Variants in FOXK1 observed in about 807,000 individuals in gnomAD.
The protein encoded by FOXK1 is forkhead box K1, also known as forkhead box protein K1.
FOXK1 carries 19 observed loss-of-function variants against 51.9 expected under a neutral mutation model. That is an observed-to-expected ratio of 0.37 (90% confidence interval 0.26 to 0.54). The LOEUF (loss-of-function observed/expected upper bound fraction) is 0.54. FOXK1 is among the 20% of genes least tolerant of loss of function. The pLI is 0.87. For synonymous variants in FOXK1, 537 were observed against 482.6 expected (o/e 1.11, Z -1.48); for missense variants, 870 against 1,032.7 (o/e 0.84, Z 2.16).
rs1780751464 is a variant in FOXK1, at chr7:4,749,799, C to T, written c.747-4660C>T. On this transcript the variant is annotated intron_variant, in intron 2 of 8. Coordinates refer to ENST00000328914, the MANE Select transcript of FOXK1 (RefSeq NM_001037165.2). The surrounding 1 kb of genome is among the most constrained non-coding windows in gnomAD (Gnocchi z 6.0). ...GAAGGCTTGTCTTAGGCTCTGGGGA[C>T]GGAGCCCAGCTGGCGGCTCCAGAGG... is the stretch of plus-strand genomic sequence containing the variant. Among the ~76,000 whole-genome samples the T allele has an allele frequency of 1.3e-5, 2 of 152,212 alleles. No homozygotes were observed. The highest frequency in any genetic ancestry group is 2.9e-5 in the Non-Finnish European group (2 of 68,034).
chr7:4,712,801 C>A (rs934396748), intron 1 of FOXK1, among the ~76,000 whole-genome samples: 1 of 152,176 alleles, frequency 6.6e-6, no homozygotes, highest in African/African-American at 2.4e-5. Flanking sequence ...ACTGCTCAAA[C>A]AGCCAGGGCA....
rs1780331077 is a variant in FOXK1 at position 4,722,763 on chromosome 7, G to A, written c.561-18075G>A. ...ACCGCCCAGCATGGCTTTTGGCTTT[G>A]GGGGATTCCGTTCCTTTGCTGCTGC... On this transcript the variant is annotated intron_variant, in intron 1 of 8. Transcript: ENST00000328914. This position sits in a 1 kb window ranked among gnomAD's most constrained non-coding sequence, Gnocchi z 5.1. 6.6e-6 allele frequency among the ~76,000 whole-genome samples: 1 copy of A among 152,182 alleles called. No homozygotes were observed. The highest frequency in any genetic ancestry group is 2.4e-5 in the African/African-American group (1 of 41,442).
At position 4,770,818 on chromosome 7, in the gene FOXK1, C is replaced by T. The variant is rs1781087748; in HGVS notation, c.*8354C>T. On this transcript the variant is annotated 3_prime_UTR_variant, in exon 9 of 9. Coordinates refer to ENST00000328914, the MANE Select transcript of FOXK1 (RefSeq NM_001037165.2). Reference sequence around the variant, plus strand: ...TTTGTTCTTGTTGTTTTAATCTGAACGATTATTCTCCTGTAAAAATAATTT... The same window carrying T: ...TTTGTTCTTGTTGTTTTAATCTGAATGATTATTCTCCTGTAAAAATAATTT... The T allele has an allele frequency of 6.8e-6, 1 of 146,840 alleles. No individual in the cohort carries two copies. The highest frequency in any genetic ancestry group is 1.5e-5 in the Non-Finnish European group (1 of 67,478). The allele number at this position is 146,840 out of a possible 1,614,324, so 9.1% of individuals were successfully genotyped here.
chr7:4,696,548 G>A (rs1218841835), intron 1 of FOXK1, among the ~76,000 whole-genome samples: 3 of 152,214 alleles, frequency 2.0e-5, no homozygotes, highest in African/African-American at 4.8e-5. Flanking sequence ...GTCATTAAGC[G>A]TTGGTGTGAA....
At chr7:4,688,811 C>T (rs1205375922) in intron 1 of FOXK1, among the ~76,000 whole-genome samples, 1 of 152,014 alleles carries the variant, frequency 6.6e-6, no homozygotes, top group African/African-American at 2.4e-5. Flanking sequence ...GTTACTAGAC[C>T]CGGGGATTCC....
At chr7:4,706,883 C>T (rs766745774) in intron 1 of FOXK1, among the ~76,000 whole-genome samples, 113 of 152,302 alleles carry the variant, frequency 7.4e-4, no homozygotes, top group Middle Eastern at 3.4e-3. Flanking sequence ...CTGGGTCGGC[C>T]TGTGCCTTCT....
rs368115110 is a variant in FOXK1 at position 4,742,389 on chromosome 7, T to G, written c.746+1366T>G. Reference sequence around the variant, plus strand: ...ACCTTGGCTTGCTTTTTTCTTTTTTTCCTCTTGCAGCTGTAGGAGAAGAAA... The same window carrying G: ...ACCTTGGCTTGCTTTTTTCTTTTTTGCCTCTTGCAGCTGTAGGAGAAGAAA... On this transcript the variant is annotated intron_variant, in intron 2 of 8. Transcript: ENST00000328914. 3.3e-5 allele frequency among the ~76,000 whole-genome samples: 5 copies of G among 152,268 alleles called. No individual in the cohort carries two copies. In the East Asian group the frequency reaches 9.6e-4, roughly 29 times the overall value.
Position 4,762,724 on chromosome 7 carries a change from A to G in FOXK1, c.*260A>G, listed in dbSNP as rs936456763. ...TGCTTTCCTTTCCTTCTCCCTCGGC[A>G]CCACCTCCTCTCCCCAGGCCTCCCT... On this transcript the variant is annotated 3_prime_UTR_variant, in exon 9 of 9. Coordinates refer to ENST00000328914, the MANE Select transcript of FOXK1 (RefSeq NM_001037165.2). This position sits in a 1 kb window ranked among gnomAD's most constrained non-coding sequence, Gnocchi z 5.7. The G allele has an allele frequency of 6.2e-6, 3 of 480,920 alleles. No homozygotes were observed. The highest frequency in any genetic ancestry group is 1.1e-5 in the Non-Finnish European group (3 of 263,738). 29.8% of individuals were successfully genotyped at this position (480,920 alleles called of 1,614,324 possible).
In FOXK1 at chr7:4,769,274, T is replaced by C. The variant is rs1261936473; in HGVS notation, c.*6810T>C. The C allele has an allele frequency of 5.9e-5, 9 of 152,058 alleles. No individual in the cohort carries two copies. The highest frequency in any genetic ancestry group is 2.2e-4 in the African/African-American group (9 of 41,394). 9.4% of individuals were successfully genotyped at this position (152,058 alleles called of 1,614,324 possible). ...GGGCCAGGGAGAAGCCGTGAATGTA[T>C]TTATTTGCTTTGGTGAAGCTGCTGA... On this transcript the variant is annotated 3_prime_UTR_variant, in exon 9 of 9. Transcript: ENST00000328914. This position sits in a 1 kb window ranked among gnomAD's most constrained non-coding sequence, Gnocchi z 4.1.
At position 4,735,304 on chromosome 7, in the gene FOXK1, C is replaced by T. The variant is rs900130510; in HGVS notation, c.561-5534C>T. Among the ~76,000 whole-genome samples, 11 of 152,176 alleles carry T rather than the reference C, an allele frequency of 7.2e-5. No homozygotes were observed. Among genetic ancestry groups the T allele is most frequent in the African/African-American group, 2.7e-4 (11 of 41,452 alleles). On this transcript the variant is annotated intron_variant, in intron 1 of 8. Transcript: ENST00000328914. This position sits in a 1 kb window ranked among gnomAD's most constrained non-coding sequence, Gnocchi z 4.7. ...GGGAAAAACCCAGGGCTGGAGTAGA[C>T]CCTCAGTGTGGGAGCTTTTGGGCAA...
rs1030369477 is a variant in FOXK1, at chr7:4,734,196, G to A, written c.561-6642G>A. On this transcript the variant is annotated intron_variant, in intron 1 of 8. Coordinates refer to ENST00000328914, the MANE Select transcript of FOXK1 (RefSeq NM_001037165.2). The surrounding 1 kb of genome is among the most constrained non-coding windows in gnomAD (Gnocchi z 5.2). ...ATTCCCAGAGCTCCTGAGAAGGAGCGGCTTGTGTGGGGTGACTCTATCTCA... is the reference window on the plus strand; with the variant it reads ...ATTCCCAGAGCTCCTGAGAAGGAGCAGCTTGTGTGGGGTGACTCTATCTCA... 2.6e-5 allele frequency among the ~76,000 whole-genome samples: 4 copies of A among 152,216 alleles called. No homozygotes were observed. The highest frequency in any genetic ancestry group is 2.1e-4 in the South Asian group (1 of 4,834).
intron 1 of FOXK1, among the ~76,000 whole-genome samples, chr7:4,708,297 C>G (rs909865872): frequency 2.0e-5 from 3 of 152,140 alleles, no homozygotes; most frequent in South Asian, 2.1e-4. Context: ...TAAACATGAC[C>G]TAGTTGCCGC....
Position 4,755,073 on chromosome 7 carries a change from T to A in FOXK1, c.904-164T>A. The A allele has an allele frequency of 1.2e-6, 1 of 807,996 alleles. No homozygotes were observed. The highest frequency in any genetic ancestry group is 1.9e-6 in the Non-Finnish European group (1 of 534,964). The allele number at this position is 807,996 out of a possible 1,614,324, so 50.1% of individuals were successfully genotyped here. ...TGAGGCAAAAATGGTTGTTCCTAGT[T>A]GAATGCAAGCACATTAATGGGATAG... On this transcript the variant is annotated intron_variant, in intron 3 of 8. Transcript: ENST00000328914. This position sits in a 1 kb window ranked among gnomAD's most constrained non-coding sequence, Gnocchi z 6.6.
At position 4,711,465 on chromosome 7, in the gene FOXK1, G is replaced by GA. The variant is rs147484863; in HGVS notation, c.560+28598dup. Among the ~76,000 whole-genome samples the GA allele has an allele frequency of 0.014, 2,148 of 152,244 alleles. 25 individuals carry two copies. Among genetic ancestry groups the GA allele is most frequent in the Middle Eastern group, 0.041 (12 of 294 alleles). ...AGAGATCTGGAGTTAAGGAAGATGTGACTTTCTCAGTGGCCCTCAGACGTC... is the reference window on the plus strand; with the variant it reads ...AGAGATCTGGAGTTAAGGAAGATGTGAACTTTCTCAGTGGCCCTCAGACGTC... On this transcript the variant is annotated intron_variant, in intron 1 of 8. Coordinates refer to ENST00000328914, the MANE Select transcript of FOXK1 (RefSeq NM_001037165.2). This position sits in a 1 kb window ranked among gnomAD's most constrained non-coding sequence, Gnocchi z 6.3.
chr7:4,728,508 A>G (rs1165799940), intron 1 of FOXK1, among the ~76,000 whole-genome samples: 1 of 152,216 alleles, frequency 6.6e-6, no homozygotes, highest in Non-Finnish European at 1.5e-5. Flanking sequence ...ACTAAAGTGC[A>G]CGTGCTGTGT....
rs148839144 is a variant in FOXK1 at position 4,687,423 on chromosome 7, G to T, written c.560+4555G>T. 6.7e-3 allele frequency among the ~76,000 whole-genome samples: 1,015 copies of T among 152,044 alleles called. 9 individuals are homozygous for T. The highest frequency in any genetic ancestry group is 0.023 in the African/African-American group (970 of 41,446). On this transcript the variant is annotated intron_variant, in intron 1 of 8. Transcript: ENST00000328914. ...TTCTCCTGCCTCAGCCACCTGAGTA[G>T]CTGGGATTACAGGCGCACGTCACCA...
chr7:4,736,467 C>T (rs111295507), intron 1 of FOXK1, among the ~76,000 whole-genome samples: 30 of 149,860 alleles, frequency 2.0e-4, no homozygotes, highest in African/African-American at 7.4e-4. Context: ...GGCTGGAGTG[C>T]AGTGGTGCGT....
At chr7:4,732,750 C>T (rs906482151) in intron 1 of FOXK1, among the ~76,000 whole-genome samples, 1 of 152,222 alleles carries the variant, frequency 6.6e-6, no homozygotes, top group African/African-American at 2.4e-5. Flanking sequence ...AGTTTTCGCC[C>T]TGTTGTAGAC....
chr7:4,687,436 G>GCA, intron 1 of FOXK1, among the ~76,000 whole-genome samples: 1 of 151,776 alleles, frequency 6.6e-6, no homozygotes, highest in East Asian at 1.9e-4. Flanking sequence ...GGGATTACAG[G>GCA]CGCACGTCAC....
Sources: allele counts gnomAD v4.1 joint callset (sites outside exome capture counted in the v4.1 genomes callset), GRCh38; gene constraint gnomAD v4.1.1; non-coding constraint Gnocchi (gnomAD v3.1); transcripts MANE v1.5; gene names NCBI Gene and HGNC (gene_info 2026-07-23, HGNC 2026-07-21).